Variants in SORCS2 observed in about 807,000 individuals in gnomAD.
SORCS2 encodes VPS10 domain-containing receptor SorCS2.
In SORCS2, 100 loss-of-function variants were observed where a neutral mutation model predicts 141.6. The observed-to-expected ratio is 0.71, with a 90% CI of 0.60 to 0.83. SORCS2 has a LOEUF of 0.83. Ranked by LOEUF, SORCS2 falls within the 40% of genes least tolerant of loss-of-function variation. The pLI, the probability that SORCS2 is intolerant of heterozygous loss-of-function variation, is 0.00. For missense variants in SORCS2, 1,646 were observed against 1,560.2 expected (o/e 1.05, Z -0.93); for synonymous variants, 789 against 676.9 (o/e 1.17, Z -2.57).
At chr4:7,326,817 C>G (rs998777287) in intron 1 of SORCS2, among the ~76,000 whole-genome samples, 2 of 152,242 alleles carry the variant, frequency 1.3e-5, no homozygotes, top group Non-Finnish European at 2.9e-5. Flanking sequence ...GGGCAGGAAG[C>G]GCTGCCGGCC....
rs151123880 is a variant in SORCS2 at position 7,371,893 on chromosome 4, C to T, written c.481-24395C>T. ...ATGGCCACAGCTGAGATAAAGAGGA[C>T]GCCTGCATGCTGGTGGCCTCTAGAA... On this transcript the variant is annotated intron_variant, in intron 1 of 26. Coordinates refer to ENST00000507866, the MANE Select transcript of SORCS2 (RefSeq NM_020777.3). 6.1e-3 allele frequency among the ~76,000 whole-genome samples: 929 copies of T among 152,306 alleles called. 6 individuals are homozygous for T. Among genetic ancestry groups the T allele is most frequent in the Admixed American group, 0.017 (266 of 15,300 alleles).
chr4:7,533,492 C>T (rs6842155), intron 3 of SORCS2, among the ~76,000 whole-genome samples: 36,671 of 152,064 alleles, frequency 0.24, 5,171 homozygotes, highest in African/African-American at 0.38. Flanking sequence ...CGATCTGGTC[C>T]TGGTGGCCTT....
chr4:7,596,738 C>G (rs1362334594), intron 3 of SORCS2, among the ~76,000 whole-genome samples: 1 of 152,122 alleles, frequency 6.6e-6, no homozygotes, highest in Non-Finnish European at 1.5e-5. Flanking sequence ...CCAGGGCTCT[C>G]TGTTCTCTGA....
rs144663805 is a variant in SORCS2 at position 7,447,384 on chromosome 4, C to T, written c.548+51029C>T. Among the ~76,000 whole-genome samples the T allele has an allele frequency of 4.7e-4, 71 of 152,252 alleles. No homozygotes were observed. In the East Asian group the frequency reaches 0.012, roughly 26 times the overall value. On this transcript the variant is annotated intron_variant, in intron 2 of 26. Coordinates refer to ENST00000507866, the MANE Select transcript of SORCS2 (RefSeq NM_020777.3). The stretch of plus-strand genomic sequence containing the variant: ...GACAAGGGTCACAAGTTAGAACATC[C>T]GGCTAAGTCCCTGGCACATGGTAAA...
chr4:7,264,290 C>G (rs574599670), intron 1 of SORCS2, among the ~76,000 whole-genome samples: 1 of 152,208 alleles, frequency 6.6e-6, no homozygotes, highest in Non-Finnish European at 1.5e-5. Context: ...GCCCATGTCC[C>G]GCACCTCCCT....
intron 2 of SORCS2, among the ~76,000 whole-genome samples, chr4:7,504,703 G>A (rs1195844986): frequency 6.6e-6 from 1 of 152,196 alleles, no homozygotes; most frequent in Non-Finnish European, 1.5e-5. Flanking sequence ...GCTATCACGA[G>A]TAGTAAGTAC....
At chr4:7,257,463 C>T (rs538063143) in intron 1 of SORCS2, among the ~76,000 whole-genome samples, 13 of 152,216 alleles carry the variant, frequency 8.5e-5, no homozygotes, top group Middle Eastern at 3.4e-3. Flanking sequence ...AGCCTCTCCG[C>T]ATCGCGATGG....
chr4:7,725,005 A>ATGG (rs373326590), intron 19 of SORCS2, 149 bp from the exon 20 acceptor site: 29 of 804,714 alleles, frequency 3.6e-5, no homozygotes, highest in Middle Eastern at 2.4e-4. Flanking sequence ...AGTAGTGGTG[A>ATGG]TGGTGGTGGT....
intron 3 of SORCS2, among the ~76,000 whole-genome samples, chr4:7,610,810 C>G (rs1448194952): frequency 6.6e-6 from 1 of 152,116 alleles, no homozygotes; most frequent in Non-Finnish European, 1.5e-5. Context: ...TCCCGGGAGC[C>G]AAGGTGGGTG....
At chr4:7,246,428 GGGGCTTAAATGAACCCACACA>G (rs1713095244) in intron 1 of SORCS2, among the ~76,000 whole-genome samples, 1 of 141,230 alleles carries the variant, frequency 7.1e-6, no homozygotes, top group Non-Finnish European at 1.5e-5. Context: ...CATCTCACTC[GGGGCTTAAATGAACCCACACA>G]TCTCACCTGG....
intron 3 of SORCS2, among the ~76,000 whole-genome samples, chr4:7,583,040 T>G (rs10012347): frequency 1.3e-5 from 2 of 151,960 alleles, no homozygotes; most frequent in African/African-American, 4.8e-5. Flanking sequence ...TGGGTCAGCA[T>G]TCCTTAGGAC....
chr4:7,461,989 G>C (rs1729342854), intron 2 of SORCS2, among the ~76,000 whole-genome samples: 1 of 152,232 alleles, frequency 6.6e-6, no homozygotes, highest in South Asian at 2.1e-4. Flanking sequence ...CATCTGAAAG[G>C]CACCGCATCA....
chr4:7,396,612 C>T (rs74634002), intron 2 of SORCS2, among the ~76,000 whole-genome samples: 13,979 of 152,252 alleles, frequency 0.092, 819 homozygotes, highest in East Asian at 0.26. Flanking sequence ...TTCTGTTTTT[C>T]TCCCCGCTTC....
intron 9 of SORCS2, among the ~76,000 whole-genome samples, chr4:7,678,188 C>T (rs1723288169): frequency 6.6e-6 from 1 of 152,042 alleles, no homozygotes; most frequent in Non-Finnish European, 1.5e-5. Flanking sequence ...GTTGGCCAGC[C>T]TGGGGCAGGA....
intron 3 of SORCS2, among the ~76,000 whole-genome samples, chr4:7,583,243 C>G (rs1326564115): frequency 6.6e-6 from 1 of 152,122 alleles, no homozygotes; most frequent in Non-Finnish European, 1.5e-5. Context: ...TGTTCCTTTT[C>G]TCATGAGCTT....
chr4:7,340,761 G>C (rs909417581), intron 1 of SORCS2, among the ~76,000 whole-genome samples: 10 of 151,338 alleles, frequency 6.6e-5, no homozygotes, highest in African/African-American at 2.4e-4. Flanking sequence ...GAAACATGGG[G>C]CCCCAGGGGG....
chr4:7,681,026 T>G (rs1328773485), intron 9 of SORCS2, among the ~76,000 whole-genome samples: 1 of 152,236 alleles, frequency 6.6e-6, no homozygotes, highest in African/African-American at 2.4e-5. Flanking sequence ...TTTGGAACTT[T>G]TGATCTGGTG....
At chr4:7,278,586 C>T (rs1484287790) in intron 1 of SORCS2, among the ~76,000 whole-genome samples, 1 of 152,174 alleles carries the variant, frequency 6.6e-6, no homozygotes, top group African/African-American at 2.4e-5. Context: ...GCCCAGTGTA[C>T]ATCTGTTTCA....
Position 7,449,850 on chromosome 4 carries a change from C to T in SORCS2, c.548+53495C>T, listed in dbSNP as rs145208908. On this transcript the variant is annotated intron_variant, in intron 2 of 26. Transcript: ENST00000507866. The stretch of plus-strand genomic sequence containing the variant: ...TGCCTAGGGTTCCCAGGAGCCACCC[C>T]GCCCTCCCAGAGAGGTTCATGAGGA... Among the ~76,000 whole-genome samples, 1,108 of 152,292 alleles carry T rather than the reference C, an allele frequency of 7.3e-3. 17 individuals carry two copies. The highest frequency in any genetic ancestry group is 0.026 in the African/African-American group (1,061 of 41,554).
Sources: gnomAD v4.1 joint callset for allele counts (sites outside exome capture counted in the v4.1 genomes callset) on GRCh38, gnomAD v4.1.1 for gene constraint, MANE v1.5 for transcripts, NCBI Gene and HGNC (gene_info 2026-07-23, HGNC 2026-07-21) for gene names.